Variants in FHOD3 observed in about 807,000 individuals in gnomAD.
The protein encoded by FHOD3 is formin homology 2 domain containing 3, also known as FH1/FH2 domain-containing protein 3.
In FHOD3, 90 loss-of-function variants were observed where a neutral mutation model predicts 173.0. That is an observed-to-expected ratio of 0.52 (90% CI 0.44 to 0.62). The LOEUF (loss-of-function observed/expected upper bound fraction) is 0.62. Among genes scored for constraint, FHOD3 ranks in the 20% least tolerant of loss-of-function variants. The pLI is 0.00. For missense variants in FHOD3, 1,945 were observed against 2,034.7 expected, an observed-to-expected ratio of 0.96 and a Z score of 0.85; for synonymous variants, 828 against 823.0, an observed-to-expected ratio of 1.01 and a Z score of -0.10.
chr18:36,718,770 A>G, intron 19 of FHOD3, 55 bp downstream of exon 19: 1 of 1,555,764 alleles, frequency 6.4e-7, no homozygotes, highest in Non-Finnish European at 8.6e-7. Flanking sequence ...GGCTGAAGAG[A>G]TTCGTTCTGT....
At chr18:36,614,294 G>A (rs569264436) in intron 9 of FHOD3, among the ~76,000 whole-genome samples, 23 of 152,312 alleles carry the variant, frequency 1.5e-4, no homozygotes, top group African/African-American at 5.5e-4. Context: ...CACTTAGCGT[G>A]TTTTCAAGGT....
At chr18:36,531,558 T>C (rs1297447602) in intron 5 of FHOD3, among the ~76,000 whole-genome samples, 1 of 152,256 alleles carries the variant, frequency 6.6e-6, no homozygotes, top group Non-Finnish European at 1.5e-5. Context: ...TGGGCTCATC[T>C]GGAGGGACAG....
At chr18:36,407,064 T>C (rs1001962842) in intron 3 of FHOD3, among the ~76,000 whole-genome samples, 1 of 152,176 alleles carries the variant, frequency 6.6e-6, no homozygotes, top group Non-Finnish European at 1.5e-5. Flanking sequence ...TGATCAGTGG[T>C]AAAGATATGC....
chr18:36,640,850 C>T (rs938407293), intron 10 of FHOD3, among the ~76,000 whole-genome samples: 6 of 152,158 alleles, frequency 3.9e-5, no homozygotes, highest in South Asian at 4.2e-4. Context: ...AACCGTGCTT[C>T]GAAGGAACCG....
Position 36,594,413 on chromosome 18 carries a change from T to C in FHOD3, c.607-374T>C, listed in dbSNP as rs117289359. On this transcript the variant is annotated intron_variant, in intron 6 of 28. Transcript: ENST00000590592. ...ACGAGAAAAATAAGAATGGTGCTTA[T>C]GTCTACCTCACAGTGTTATAGCTGG... Among the ~76,000 whole-genome samples the C allele has an allele frequency of 7.2e-3, 1,096 of 152,284 alleles. 10 individuals are homozygous for C. The highest frequency in any genetic ancestry group is 0.011 in the Non-Finnish European group (760 of 68,018).
chr18:36,625,650 C>A lies in FHOD3; in HGVS notation c.1097C>A (p.Ser366Ter). 1.2e-6 allele frequency: 2 copies of A among 1,610,234 alleles called. No individual in the cohort carries two copies. Among genetic ancestry groups the A allele is most frequent in the Non-Finnish European group, 1.7e-6 (2 of 1,177,742 alleles). ...GLDRRRSRRH[S>*]VQSIKSTLSA... ...GACCGCAGAAGGAGCCGCAGGCACT[C>A]GGTGCAGAGCATCAAGAGCACCCTG... The change falls in exon 10 of 29, where the codon TCG becomes TAG. Residue 366 changes from serine (S) to a stop codon, truncating the protein, a stop_gained. Transcript: ENST00000590592. LOFTEE classifies it high-confidence loss of function.
intron 8 of FHOD3, among the ~76,000 whole-genome samples, chr18:36,608,155 T>C (rs1599854814): frequency 6.6e-6 from 1 of 152,242 alleles, no homozygotes; most frequent in South Asian, 2.1e-4. Context: ...TGTATCAATT[T>C]TATGTCTTTG....
At chr18:36,441,268 C>T (rs1170989404) in intron 3 of FHOD3, among the ~76,000 whole-genome samples, 1 of 152,064 alleles carries the variant, frequency 6.6e-6, no homozygotes, top group Non-Finnish European at 1.5e-5. Context: ...GAGGTGAGGA[C>T]CTGCATGAGC....
chr18:36,697,254 G>C (rs1234330045), intron 17 of FHOD3, among the ~76,000 whole-genome samples: 1 of 152,170 alleles, frequency 6.6e-6, no homozygotes, highest in African/African-American at 2.4e-5. Context: ...GTGGTCCCTG[G>C]AGGGCATCCC....
intron 23 of FHOD3, among the ~76,000 whole-genome samples, chr18:36,745,290 GC>G (rs1338499550): frequency 6.6e-6 from 1 of 152,198 alleles, no homozygotes; most frequent in African/African-American, 2.4e-5. Flanking sequence ...TCATGAGAAA[GC>G]GAAGCCTTTC....
intron 1 of FHOD3, among the ~76,000 whole-genome samples, chr18:36,337,771 A>C (rs527843662): frequency 2.6e-5 from 4 of 152,310 alleles, no homozygotes; most frequent in Admixed American, 1.3e-4. Flanking sequence ...ATTATAGCTC[A>C]CACCAACCCT....
intron 3 of FHOD3, among the ~76,000 whole-genome samples, chr18:36,446,572 G>A (rs1322221966): frequency 6.6e-6 from 1 of 152,152 alleles, no homozygotes; most frequent in African/African-American, 2.4e-5. Flanking sequence ...AAGTCAGTAA[G>A]GGTCTGCAAG....
intron 1 of FHOD3, among the ~76,000 whole-genome samples, chr18:36,312,259 C>T (rs1285140230): frequency 6.6e-6 from 1 of 152,144 alleles, no homozygotes; most frequent in Non-Finnish European, 1.5e-5. Flanking sequence ...CCTTCTCAAT[C>T]CTTCTGCTCC....
intron 10 of FHOD3, among the ~76,000 whole-genome samples, chr18:36,627,443 C>T (rs771048166): frequency 2.1e-4 from 32 of 152,070 alleles, no homozygotes; most frequent in Middle Eastern, 6.3e-3. Context: ...GATGATGATA[C>T]GGAAGTGGAC....
chr18:36,723,051 G>A (rs1008743290), intron 19 of FHOD3, among the ~76,000 whole-genome samples: 1 of 152,186 alleles, frequency 6.6e-6, no homozygotes. Flanking sequence ...TGGTCCTATA[G>A]GATGTGGTGA....
intron 1 of FHOD3, among the ~76,000 whole-genome samples, chr18:36,305,714 A>G (rs994961581): frequency 2.6e-5 from 4 of 152,198 alleles, no homozygotes; most frequent in African/African-American, 9.7e-5. Flanking sequence ...ATGGCTGGAC[A>G]CTGACAGGCT....
chr18:36,726,237 AG>A (rs1245507329), intron 19 of FHOD3, among the ~76,000 whole-genome samples: 2 of 152,012 alleles, frequency 1.3e-5, no homozygotes, highest in Non-Finnish European at 1.5e-5. Context: ...CTTCTTATCC[AG>A]GAACATGAGG....
At position 36,397,203 on chromosome 18, in the gene FHOD3, T is replaced by A. The variant is rs559202154; in HGVS notation, c.337+24459T>A. 6.6e-5 allele frequency among the ~76,000 whole-genome samples: 10 copies of A among 152,324 alleles called. No individual in the cohort carries two copies. In the South Asian group the frequency reaches 2.1e-3, roughly 32 times the overall value. On this transcript the variant is annotated intron_variant, in intron 3 of 28. Transcript: ENST00000590592. The stretch of plus-strand genomic sequence containing the variant: ...CTCAGTTTCAGCTGCTGTTCTCAAA[T>A]GAGCCTAATATACTCTCCAGTGAAT...
Position 36,730,817 on chromosome 18 carries a change from C to G in FHOD3, c.3576+13C>G. On this transcript the variant is annotated intron_variant, in intron 20 of 28. Transcript: ENST00000590592. ...AGAAGGAATCGAGGTGAGGGAAGCTCTATTAAGCATTATTTGTATTTTATC... is the reference window on the plus strand; with the variant it reads ...AGAAGGAATCGAGGTGAGGGAAGCTGTATTAAGCATTATTTGTATTTTATC... 6.2e-7 allele frequency: 1 copy of G among 1,612,000 alleles called. No individual in the cohort carries two copies.
Sources: allele counts gnomAD v4.1 joint callset (sites outside exome capture counted in the v4.1 genomes callset), GRCh38; gene constraint gnomAD v4.1.1; transcripts MANE v1.5; gene names NCBI Gene and HGNC (gene_info 2026-07-23, HGNC 2026-07-21).